MICU3: variants seen among roughly 807,000 people sequenced by gnomAD.
MICU3 encodes the protein calcium uptake protein 3, mitochondrial.
In MICU3, 62 loss-of-function variants were observed where a neutral mutation model predicts 66.5. The observed-to-expected ratio is 0.93, with a 90% CI of 0.76 to 1.15. The LOEUF is 1.15. Ranked by LOEUF, MICU3 falls within the 50% of genes most tolerant of loss-of-function variation. The pLI, the probability that MICU3 is intolerant of heterozygous loss-of-function variation, is 0.00. For synonymous variants in MICU3, 308 were observed against 240.7 expected (o/e 1.28, Z -2.59); for missense variants, 779 against 664.4 (o/e 1.17, Z -1.90).
chr8:17,090,594 A>G lies in MICU3; in HGVS notation c.888+10A>G, dbSNP rs1034041432. The G allele has an allele frequency of 1.5e-5, 24 of 1,594,832 alleles. No homozygotes were observed. Among genetic ancestry groups the G allele is most frequent in the Non-Finnish European group, 1.9e-5 (22 of 1,167,170 alleles). ...TTCTCCTACTAATAGTGTATGTACA[A>G]TACTTTAAATGTTCTTTATGTATAT... On this transcript the variant is annotated intron_variant, in intron 8 of 14. Transcript: ENST00000318063.
intron 1 of MICU3, among the ~76,000 whole-genome samples, chr8:17,030,149 T>G (rs559368134): frequency 5.9e-5 from 9 of 152,352 alleles, no homozygotes; most frequent in African/African-American, 1.7e-4. Flanking sequence ...AGGATATAAA[T>G]TATAACTTTG....
intron 11 of MICU3, 130 bp from the exon 12 acceptor site, chr8:17,113,963 T>A (rs1172559129): frequency 3.7e-6 from 2 of 540,888 alleles, no homozygotes; most frequent in Non-Finnish European, 6.4e-6. Flanking sequence ...AACGTCAAAA[T>A]GTGCCCTGGA....
chr8:17,079,900 T>G (rs1820918884), intron 4 of MICU3, among the ~76,000 whole-genome samples: 1 of 152,164 alleles, frequency 6.6e-6, no homozygotes, highest in African/African-American at 2.4e-5. Context: ...CATGAAAACA[T>G]GTATTGTAGA....
At chr8:17,134,841 T>G in the MICU3 span, among the ~76,000 whole-genome samples, 3 of 152,210 alleles carry the variant, frequency 2.0e-5, no homozygotes, top group African/African-American at 7.2e-5. Flanking sequence ...GATTTAAATG[T>G]TAAACTCCTC....
chr8:17,040,958 A>C (rs2150524769), intron 1 of MICU3, among the ~76,000 whole-genome samples: 1 of 152,292 alleles, frequency 6.6e-6, no homozygotes, highest in South Asian at 2.1e-4. Flanking sequence ...AGGAGAAAAA[A>C]CAGGTTGGGA....
downstream of MICU3, among the ~76,000 whole-genome samples, chr8:17,123,185 G>C (rs1449068025): frequency 6.6e-6 from 1 of 151,908 alleles, no homozygotes; most frequent in Non-Finnish European, 1.5e-5. Flanking sequence ...TAAAATAATG[G>C]TACACCTTGC....
the MICU3 span, among the ~76,000 whole-genome samples, chr8:17,137,992 G>A: frequency 1.3e-5 from 2 of 151,944 alleles, no homozygotes; most frequent in Non-Finnish European, 2.9e-5. Flanking sequence ...TGGGATTACA[G>A]GCATGAACCA....
chr8:17,095,664 T>A (rs1386225387), intron 8 of MICU3, among the ~76,000 whole-genome samples: 1 of 151,952 alleles, frequency 6.6e-6, no homozygotes, highest in Non-Finnish European at 1.5e-5. Context: ...ATTATTCTGC[T>A]TAGCACAGTG....
At chr8:17,066,545 T>TATA (rs1563321465) in intron 2 of MICU3, among the ~76,000 whole-genome samples, 3 of 53,986 alleles carry the variant, frequency 5.6e-5, no homozygotes, top group East Asian at 7.4e-4. Flanking sequence ...ATATATAGAT[T>TATA]TTTTTTTTTT....
chr8:17,067,515 C>T (rs530445973), intron 2 of MICU3, among the ~76,000 whole-genome samples: 12 of 152,082 alleles, frequency 7.9e-5, no homozygotes, highest in South Asian at 4.1e-4. Flanking sequence ...CTGCAACCTC[C>T]GCTTCCTGGG....
intron 3 of MICU3, among the ~76,000 whole-genome samples, chr8:17,076,728 T>A (rs1820437602): frequency 6.6e-6 from 1 of 152,174 alleles, no homozygotes; most frequent in South Asian, 2.1e-4. Flanking sequence ...CAAACTTCAA[T>A]GTGTGTAAAA....
downstream of MICU3, chr8:17,122,701 C>A (rs1219107926): frequency 6.6e-6 from 1 of 151,944 alleles, no homozygotes; most frequent in Non-Finnish European, 1.5e-5. Context: ...GAAAATGTAA[C>A]CTTCAAACTT....
At chr8:17,040,543 G>A (rs1217077479) in intron 1 of MICU3, among the ~76,000 whole-genome samples, 1 of 152,132 alleles carries the variant, frequency 6.6e-6, no homozygotes, top group Non-Finnish European at 1.5e-5. Flanking sequence ...ATACTGAGTC[G>A]TAGTAGCTTT....
intron 1 of MICU3, among the ~76,000 whole-genome samples, chr8:17,028,977 C>T (rs556622199): frequency 1.3e-5 from 2 of 152,242 alleles, no homozygotes; most frequent in South Asian, 4.1e-4. Context: ...TGTTATCTTG[C>T]AGTTTTTAAA....
intron 11 of MICU3, among the ~76,000 whole-genome samples, chr8:17,112,936 A>G (rs970362005): frequency 2.0e-5 from 3 of 152,332 alleles, no homozygotes; most frequent in East Asian, 1.9e-4. Context: ...AGCCTTCTAC[A>G]GAAAACATGA....
intron 11 of MICU3, among the ~76,000 whole-genome samples, chr8:17,112,002 G>T (rs991482141): frequency 3.9e-5 from 6 of 152,106 alleles, no homozygotes; most frequent in Non-Finnish European, 7.4e-5. Flanking sequence ...AGGAAAAACT[G>T]CCATTTATAA....
chr8:17,038,768 A>G (rs1813501792), intron 1 of MICU3, among the ~76,000 whole-genome samples: 1 of 152,100 alleles, frequency 6.6e-6, no homozygotes, highest in African/African-American at 2.4e-5. Context: ...CCTGGCTAAC[A>G]CGGTGAAACC....
At chr8:17,104,912 G>T (rs991961507) in intron 10 of MICU3, among the ~76,000 whole-genome samples, 1 of 50,688 alleles carries the variant, frequency 2.0e-5, no homozygotes, top group Non-Finnish European at 3.2e-5. Context: ...GGAGAATGGC[G>T]TGAACCCGGG....
rs577658542 is a variant in MICU3, at chr8:17,103,057, T to C, written c.985-1334T>C. ...CAGATGACCCTACATGCTGGAGTTTTTAAGACATGTGAATAATTAGTCACT... is the reference window on the plus strand; with the variant it reads ...CAGATGACCCTACATGCTGGAGTTTCTAAGACATGTGAATAATTAGTCACT... On this transcript the variant is annotated intron_variant, in intron 9 of 14. Transcript: ENST00000318063. Among the ~76,000 whole-genome samples the C allele has an allele frequency of 2.6e-5, 4 of 152,100 alleles. No individual in the cohort carries two copies. In the South Asian group the frequency reaches 8.3e-4, roughly 32 times the overall value.
Sources: gnomAD v4.1 joint callset for allele counts (sites outside exome capture counted in the v4.1 genomes callset) on GRCh38, gnomAD v4.1.1 for gene constraint, MANE v1.5 for transcripts, NCBI Gene and HGNC (gene_info 2026-07-23, HGNC 2026-07-21) for gene names.